The following ATP1A2 variants were observed in gnomAD, a reference collection of about 807,000 sequenced individuals.
ATP1A2 encodes ATPase Na+/K+ transporting subunit alpha 2, also known as sodium/potassium-transporting ATPase subunit alpha-2.
ATP1A2 carries 56 observed loss-of-function variants against 113.1 expected under a neutral mutation model. The ratio of observed to expected loss-of-function variants is 0.49; its 90% confidence interval spans 0.40 to 0.62. ATP1A2 has a LOEUF of 0.62. Ranked by LOEUF, ATP1A2 falls within the 20% of genes least tolerant of loss-of-function variation. The pLI, the probability that ATP1A2 is intolerant of heterozygous loss-of-function variation, is 0.00. For missense variants in ATP1A2, 712 were observed against 1,357.8 expected (o/e 0.52, Z 7.47); for synonymous variants, 490 against 526.8 (o/e 0.93, Z 0.96).
At chr1:160,118,712 C>A (rs1392292449) in intron 1 of ATP1A2, among the ~76,000 whole-genome samples, 1 of 152,132 alleles carries the variant, frequency 6.6e-6, no homozygotes, top group East Asian at 1.9e-4. Flanking sequence ...AAGCTCATAT[C>A]TTTTTAAATC....
intron 17 of ATP1A2, 41 bp downstream of exon 17, chr1:160,136,034 G>A (rs201063996): frequency 6.0e-5 from 97 of 1,614,048 alleles, no homozygotes; most frequent in South Asian, 4.3e-4. Context: ...CAAGGCAATC[G>A]TGATGGCACA....
intron 6 of ATP1A2, among the ~76,000 whole-genome samples, chr1:160,124,886 C>T (rs1231306547): frequency 6.6e-6 from 1 of 152,192 alleles, no homozygotes; most frequent in Non-Finnish European, 1.5e-5. Context: ...CACCATTTTA[C>T]AGTTGAGTAC....
At position 160,139,941 on chromosome 1, in the gene ATP1A2, C is replaced by A; in HGVS notation, c.2991C>A (p.Ile997=). Residue 997 remains isoleucine (I), a synonymous_variant, in exon 22 of 23, where the codon ATC becomes ATA. Coordinates refer to ENST00000361216, the MANE Select transcript of ATP1A2 (RefSeq NM_000702.4). ...CAFPYSLLIF[I]YDEVRKLILR... is the part of the protein sequence containing the mutation. ...TCCCCTACAGCCTCCTCATCTTCAT[C>A]TATGATGAGGTCCGAAAGCTCATCC... The A allele has an allele frequency of 6.2e-7, 1 of 1,614,136 alleles. No individual in the cohort carries two copies. Among genetic ancestry groups the A allele is most frequent in the Non-Finnish European group, 8.5e-7 (1 of 1,180,034 alleles).
rs78347106 is a variant in ATP1A2 at position 160,117,321 on chromosome 1, T to C, written c.12+1448T>C. 6.4e-3 allele frequency among the ~76,000 whole-genome samples: 976 copies of C among 152,204 alleles called. 10 individuals are homozygous for C. The highest frequency in any genetic ancestry group is 0.022 in the African/African-American group (926 of 41,526). ...GTTAAAGGATCAGATAAGCCCTCCATTTCCCCCATCCAAGTGAAGAGAGAA... is the reference window on the plus strand; with the variant it reads ...GTTAAAGGATCAGATAAGCCCTCCACTTCCCCCATCCAAGTGAAGAGAGAA... On this transcript the variant is annotated intron_variant, in intron 1 of 22. Coordinates refer to ENST00000361216, the MANE Select transcript of ATP1A2 (RefSeq NM_000702.4).
chr1:160,135,831 C>A lies in ATP1A2; in HGVS notation c.2285-8C>A, dbSNP rs2101995415. On this transcript the variant is annotated splice_polypyrimidine_tract_variant and splice_region_variant and intron_variant, in intron 16 of 22. Transcript: ENST00000361216. The surrounding 1 kb of genome is among the most constrained non-coding windows in gnomAD (Gnocchi z 6.3). The stretch of plus-strand genomic sequence containing the variant: ...GACCTCCCTGATGCCCTCAGAATCT[C>A]CCCACAGGCCGCCTGATCTTTGACA... 6.2e-7 allele frequency: 1 copy of A among 1,614,176 alleles called. No individual in the cohort carries two copies. Among genetic ancestry groups the A allele is most frequent in the Non-Finnish European group, 8.5e-7 (1 of 1,180,026 alleles).
intron 1 of ATP1A2, among the ~76,000 whole-genome samples, chr1:160,117,954 T>G (rs1570980909): frequency 6.3e-5 from 8 of 127,266 alleles, no homozygotes; most frequent in South Asian, 2.6e-4. Context: ...GAGGGAGGAG[T>G]GGAGGGAGGT....
intron 1 of ATP1A2, among the ~76,000 whole-genome samples, chr1:160,117,754 G>T (rs1032651993): frequency 2.0e-5 from 3 of 152,182 alleles, no homozygotes; most frequent in Non-Finnish European, 2.9e-5. Context: ...CAGCGTGGGA[G>T]TTGGGGGAAG....
chr1:160,116,018 T>A (rs1651165934), intron 1 of ATP1A2, 145 bp downstream of exon 1: 1 of 1,356,970 alleles, frequency 7.4e-7, no homozygotes, highest in Non-Finnish European at 1.0e-6. Context: ...GTCTCCAAAC[T>A]ACCAATGTGT....
In ATP1A2 at chr1:160,135,350, G is replaced by A; in HGVS notation, c.2115+55G>A. On this transcript the variant is annotated intron_variant, in intron 15 of 22. Transcript: ENST00000361216. The surrounding 1 kb of genome is among the most constrained non-coding windows in gnomAD (Gnocchi z 6.3). Reference sequence around the variant, plus strand: ...GGCAGGGACCGGGGAGGCAGGGACAGGGCCAAGACAAGCATGGAGTGAGAG... The same window carrying A: ...GGCAGGGACCGGGGAGGCAGGGACAAGGCCAAGACAAGCATGGAGTGAGAG... 1 of 1,614,224 alleles carries A rather than the reference G, an allele frequency of 6.2e-7. No homozygotes were observed. The highest frequency in any genetic ancestry group is 2.2e-5 in the East Asian group (1 of 44,886).
Position 160,120,968 on chromosome 1 carries a change from G to T in ATP1A2, c.75G>T (p.Gln25His). ...AGAATGGGGGCGGCAAGAAGAAACAGAAGGAGAAGGAACTGGATGAGCTGA... is the reference window on the plus strand; with the variant it reads ...AGAATGGGGGCGGCAAGAAGAAACATAAGGAGAAGGAACTGGATGAGCTGA... ...TAENGGGKKK[Q>H]KEKELDELKK... The change falls in exon 2 of 23, where the codon CAG becomes CAT. Residue 25 changes from glutamine to histidine, a missense_variant. Physicochemically the swap from Gln to His is conservative, Grantham distance 24. Transcript: ENST00000361216. The T allele has an allele frequency of 6.2e-7, 1 of 1,613,304 alleles. No homozygotes were observed. Among genetic ancestry groups the T allele is most frequent in the Non-Finnish European group, 8.5e-7 (1 of 1,179,566 alleles).
At position 160,124,311 on chromosome 1, in the gene ATP1A2, C is replaced by T. The variant is rs375389965; in HGVS notation, c.511C>T (p.Arg171Trp). The change falls in exon 6 of 23, where the codon CGG becomes TGG. Residue 171 changes from arginine to tryptophan, a missense_variant. Physicochemically the swap from Arg to Trp is moderately radical, Grantham distance 101. Around this residue, in one of 6 missense-constraint regions of ATP1A2, gnomAD observed 99 missense variants for 180.4 expected, o/e 0.55. Transcript: ENST00000361216. ...CTCCCCACAGCAAGCCCTTGTGATCCGGGAGGGAGAGAAGATGCAGATCAA... is the reference window on the plus strand; with the variant it reads ...CTCCCCACAGCAAGCCCTTGTGATCTGGGAGGGAGAGAAGATGCAGATCAA... ...NMVPQQALVI[R>W]EGEKMQINAE... is the part of the protein sequence containing the mutation. 6.2e-6 allele frequency: 10 copies of T among 1,605,982 alleles called. No individual in the cohort carries two copies. The highest frequency in any genetic ancestry group is 1.7e-4 in the Middle Eastern group (1 of 5,828).
In ATP1A2 at chr1:160,129,511, T is replaced by A. The variant is rs867430199; in HGVS notation, c.1461+111T>A. ...GGAGTGGGGGTGTCTGAGGGTCATG[T>A]TCCCTCCCCCTGCTAAGTCCCCCAG... On this transcript the variant is annotated intron_variant, in intron 11 of 22. Coordinates refer to ENST00000361216, the MANE Select transcript of ATP1A2 (RefSeq NM_000702.4). The A allele has an allele frequency of 2.2e-4, 331 of 1,515,246 alleles. 1 individual carries two copies. Among genetic ancestry groups the A allele is most frequent in the Middle Eastern group, 1.9e-3 (11 of 5,788 alleles). The allele number at this position is 1,515,246 out of a possible 1,614,324, so 93.9% of individuals were successfully genotyped here.
At chr1:160,131,597 T>C (rs1453033193) in intron 13 of ATP1A2, among the ~76,000 whole-genome samples, 2 of 152,010 alleles carry the variant, frequency 1.3e-5, no homozygotes, top group Non-Finnish European at 2.9e-5. Flanking sequence ...GGTCCAAGGC[T>C]GGTGGATCAC....
intron 13 of ATP1A2, among the ~76,000 whole-genome samples, chr1:160,132,729 T>C (rs115113883): frequency 0.021 from 3,149 of 152,230 alleles, 111 homozygotes; most frequent in African/African-American, 0.073. Context: ...AAGACAGATG[T>C]TCCAGTGAAC....
At chr1:160,139,527 C>A in intron 20 of ATP1A2, 113 bp from the exon 21 acceptor site, 1 of 896,352 alleles carries the variant, frequency 1.1e-6, no homozygotes, top group Non-Finnish European at 1.8e-6. Context: ...AGAAGACATG[C>A]GACTATGTCG....
At chr1:160,116,172 C>A (rs534272710) in intron 1 of ATP1A2, among the ~76,000 whole-genome samples, 2 of 152,132 alleles carry the variant, frequency 1.3e-5, no homozygotes, top group South Asian at 4.1e-4. Flanking sequence ...TCTAGTCCTT[C>A]CCTGCAGCAG....
chr1:160,129,405 G>A lies in ATP1A2; in HGVS notation c.1461+5G>A, dbSNP rs199906945. ...AACTCTACCAACAAGTACCAGGTCTGCTTGGGTTGCCAGGACAGAGGAAGA... is the reference window on the plus strand; with the variant it reads ...AACTCTACCAACAAGTACCAGGTCTACTTGGGTTGCCAGGACAGAGGAAGA... On this transcript the variant is annotated splice_donor_5th_base_variant and intron_variant, in intron 11 of 22. Coordinates refer to ENST00000361216, the MANE Select transcript of ATP1A2 (RefSeq NM_000702.4). 3.6e-5 allele frequency: 58 copies of A among 1,612,316 alleles called. No homozygotes were observed. The highest frequency in any genetic ancestry group is 2.2e-4 in the Admixed American group (13 of 60,002).
At chr1:160,127,450 G>T in intron 7 of ATP1A2, 102 bp from the exon 8 acceptor site, 1 of 1,559,278 alleles carries the variant, frequency 6.4e-7, no homozygotes, top group Admixed American at 1.8e-5. Context: ...TGCGGCTTTG[G>T]CTCACCTATC....
chr1:160,122,440 C>T (rs529142644), intron 3 of ATP1A2, among the ~76,000 whole-genome samples: 4 of 131,404 alleles, frequency 3.0e-5, no homozygotes, highest in African/African-American at 5.3e-5. Context: ...AAAAAAGAAA[C>T]GGTCCCTGCT....
Sources: allele counts gnomAD v4.1 joint callset (sites outside exome capture counted in the v4.1 genomes callset), GRCh38; gene constraint gnomAD v4.1.1; regional missense constraint gnomAD v4.1.1; non-coding constraint Gnocchi (gnomAD v3.1); transcripts MANE v1.5; gene names NCBI Gene and HGNC (gene_info 2026-07-23, HGNC 2026-07-21).